The following TMEM51 variants were observed in gnomAD, a reference collection of about 807,000 sequenced individuals.
The protein encoded by TMEM51 is transmembrane protein 51, also known as chromosome 1 open reading frame 72.
A neutral mutation model predicts 13.6 loss-of-function variants in TMEM51; 8 were observed. The observed-to-expected ratio is 0.59, with a 90% CI of 0.35 to 1.07. The LOEUF (loss-of-function observed/expected upper bound fraction) is 1.07. TMEM51 is among the 50% of genes least tolerant of loss of function. TMEM51 has a pLI of 0.02. For missense variants in TMEM51, 279 were observed against 330.7 expected, an observed-to-expected ratio of 0.84 and a Z score of 1.21; for synonymous variants, 147 against 144.4, an observed-to-expected ratio of 1.02 and a Z score of -0.13.
Position 15,219,346 on chromosome 1 carries a change from A to G in TMEM51, c.365A>G (p.Asp122Gly). Residue 122 changes from aspartate (D) to glycine (G), a missense_variant, in exon 4 of 4, where the codon GAT (aspartate) becomes GGT (glycine). Asp to Gly is a moderately conservative substitution (Grantham distance 94, BLOSUM62 -1). Coordinates refer to ENST00000376008, the MANE Select transcript of TMEM51 (RefSeq NM_001136218.2). ...TGCAGCCAGGAGGAAGAAGAGGAGG[A>G]TGAGGAGGCTGCCTCAAGGTACTAT... is the stretch of plus-strand genomic sequence containing the variant. ...EEDSQEEEEE[D>G]EEAASRYYVP... is the part of the protein sequence containing the mutation. 3.8e-6 allele frequency: 6 copies of G among 1,589,256 alleles called. No individual in the cohort carries two copies. The highest frequency in any genetic ancestry group is 5.2e-6 in the Non-Finnish European group (6 of 1,164,638).
intron 1 of TMEM51, among the ~76,000 whole-genome samples, chr1:15,201,026 G>C (rs776762174): frequency 6.6e-6 from 1 of 152,228 alleles, no homozygotes; most frequent in Non-Finnish European, 1.5e-5. Context: ...CAGCACGCAG[G>C]CTGTTTACTT....
At chr1:15,212,460 A>G (rs1644356200) in intron 2 of TMEM51, among the ~76,000 whole-genome samples, 1 of 148,566 alleles carries the variant, frequency 6.7e-6, no homozygotes, top group Non-Finnish European at 1.5e-5. Context: ...TCAAATCACT[A>G]GTCTGCTAAC....
At chr1:15,206,217 T>G (rs1238676392) in intron 1 of TMEM51, among the ~76,000 whole-genome samples, 24 of 95,188 alleles carry the variant, frequency 2.5e-4, no homozygotes, top group East Asian at 2.8e-4. Context: ...GATGACAGAG[T>G]GAGACCCTGT....
Position 15,210,581 on chromosome 1 carries a change from G to C in TMEM51, c.-194+19G>C, listed in dbSNP as rs1644323165. On this transcript the variant is annotated intron_variant, in intron 2 of 3. Coordinates refer to ENST00000376008, the MANE Select transcript of TMEM51 (RefSeq NM_001136218.2). ...ACAACAGGTAGATACCTCTCTAACTGGTTAATAATTTTTCTTTAAAAACTC... is the reference window on the plus strand; with the variant it reads ...ACAACAGGTAGATACCTCTCTAACTCGTTAATAATTTTTCTTTAAAAACTC... 1 of 152,076 alleles carries C rather than the reference G, an allele frequency of 6.6e-6. No homozygotes were observed. Among genetic ancestry groups the C allele is most frequent in the African/African-American group, 2.4e-5 (1 of 41,386 alleles). The allele number at this position is 152,076 out of a possible 1,614,324, so 9.4% of individuals were successfully genotyped here.
chr1:15,172,387 C>CAGAAAA (rs1643308724), intron 1 of TMEM51, among the ~76,000 whole-genome samples: 1 of 75,220 alleles, frequency 1.3e-5, no homozygotes, highest in African/African-American at 5.5e-5. Context: ...GACCCTGTCT[C>CAGAAAA]AAAAAAAAAA....
At chr1:15,180,170 C>T (rs1163316056) in intron 1 of TMEM51, among the ~76,000 whole-genome samples, 1 of 152,222 alleles carries the variant, frequency 6.6e-6, no homozygotes, top group Non-Finnish European at 1.5e-5. Flanking sequence ...TTGCTAAAGT[C>T]TCTTCTGGCT....
intron 1 of TMEM51, among the ~76,000 whole-genome samples, chr1:15,203,194 G>A (rs1433743130): frequency 1.1e-4 from 16 of 151,998 alleles, no homozygotes; most frequent in African/African-American, 9.7e-5. Flanking sequence ...TTCCTCCCTC[G>A]CATCCTTCAA....
At chr1:15,203,840 C>T (rs12028875) in intron 1 of TMEM51, among the ~76,000 whole-genome samples, 7,407 of 152,268 alleles carry the variant, frequency 0.049, 378 homozygotes, top group East Asian at 0.29. Context: ...GTACAGATGA[C>T]AGAGCTGAGA....
chr1:15,185,626 A>G (rs1643750422), intron 1 of TMEM51, among the ~76,000 whole-genome samples: 1 of 152,236 alleles, frequency 6.6e-6, no homozygotes, highest in African/African-American at 2.4e-5. Flanking sequence ...GTTGGTTACA[A>G]TGGGTGACGA....
intron 1 of TMEM51, among the ~76,000 whole-genome samples, chr1:15,198,625 C>G (rs1483979066): frequency 1.3e-5 from 2 of 152,078 alleles, no homozygotes; most frequent in African/African-American, 4.8e-5. Flanking sequence ...ACCATGTTGA[C>G]CAGGCTGGTC....
At chr1:15,168,517 T>C (rs1240765038) in intron 1 of TMEM51, 2 of 1,304,712 alleles carry the variant, frequency 1.5e-6, no homozygotes, top group East Asian at 5.5e-5. Flanking sequence ...GGTTTTATGA[T>C]TGGAAGCTGG....
intron 1 of TMEM51, among the ~76,000 whole-genome samples, chr1:15,197,834 C>G (rs1308058140): frequency 1.3e-5 from 2 of 152,002 alleles, no homozygotes; most frequent in African/African-American, 4.8e-5. Flanking sequence ...CCAGGGCCCT[C>G]CAGCTCTGAA....
At chr1:15,162,932 G>A (rs938756727) in intron 1 of TMEM51, among the ~76,000 whole-genome samples, 2 of 152,026 alleles carry the variant, frequency 1.3e-5, no homozygotes, top group East Asian at 1.9e-4. Context: ...GTGAATGCAT[G>A]ATGGTGATGG....
intron 1 of TMEM51, among the ~76,000 whole-genome samples, chr1:15,200,350 G>A (rs1644129479): frequency 7.1e-6 from 1 of 140,118 alleles, no homozygotes; most frequent in Non-Finnish European, 1.5e-5. Context: ...CGAGACTGCA[G>A]TGAACTGTGA....
intron 2 of TMEM51, among the ~76,000 whole-genome samples, chr1:15,213,764 A>C (rs55809473): frequency 0.075 from 11,413 of 152,200 alleles, 568 homozygotes; most frequent in Middle Eastern, 0.11. Context: ...CAAAGGGAGA[A>C]CTCGATGTGG....
chr1:15,199,464 G>A (rs1644112652), intron 1 of TMEM51, among the ~76,000 whole-genome samples: 1 of 152,152 alleles, frequency 6.6e-6, no homozygotes, highest in South Asian at 2.1e-4. Context: ...ACCCAGGGGG[G>A]CAGGTGGTTG....
chr1:15,214,686 CGGGCTGG>C (rs1644395350), intron 2 of TMEM51, among the ~76,000 whole-genome samples: 1 of 152,222 alleles, frequency 6.6e-6, no homozygotes, highest in African/African-American at 2.4e-5. Flanking sequence ...CAGGGAGTAG[CGGGCTGG>C]GCAGACCGGC....
rs1486055770 is a variant in TMEM51 at position 15,220,353 on chromosome 1, A to G, written c.*610A>G. 2 of 146,552 alleles carry G rather than the reference A, an allele frequency of 1.4e-5. No homozygotes were observed. The highest frequency in any genetic ancestry group is 5.1e-5 in the African/African-American group (2 of 39,446). 9.1% of individuals were successfully genotyped at this position (146,552 alleles called of 1,614,324 possible). On this transcript the variant is annotated 3_prime_UTR_variant, in exon 4 of 4. Coordinates refer to ENST00000376008, the MANE Select transcript of TMEM51 (RefSeq NM_001136218.2). ...CATAATAGTCTTCAATGGTACACTTAACTAGTCTCTTCTGTGTAACAGCAA... is the reference window on the plus strand; with the variant it reads ...CATAATAGTCTTCAATGGTACACTTGACTAGTCTCTTCTGTGTAACAGCAA...
At chr1:15,171,244 T>C in intron 1 of TMEM51, 1 of 1,304,074 alleles carries the variant, frequency 7.7e-7, no homozygotes, top group Non-Finnish European at 1.0e-6. Flanking sequence ...CTGTTTGAGA[T>C]CAAAAGGTTT....
Sources: gnomAD v4.1 joint callset for allele counts (sites outside exome capture counted in the v4.1 genomes callset) on GRCh38, gnomAD v4.1.1 for gene constraint, MANE v1.5 for transcripts, NCBI Gene and HGNC (gene_info 2026-07-23, HGNC 2026-07-21) for gene names.